Variants in AP3S2 observed in about 807,000 individuals in gnomAD.
The protein encoded by AP3S2 is adaptor related protein complex 3 subunit sigma 2.
In AP3S2, 22 loss-of-function variants were observed where a neutral mutation model predicts 23.4. The observed-to-expected ratio is 0.94, with a 90% CI of 0.67 to 1.34. The LOEUF (loss-of-function observed/expected upper bound fraction) is 1.34, where lower values mean the gene tolerates loss of function less well. AP3S2 is among the 40% of genes most tolerant of loss of function. The pLI, the probability that AP3S2 is intolerant of heterozygous loss-of-function variation, is 0.00. For synonymous variants in AP3S2, 86 were observed against 87.1 expected (o/e 0.99, Z 0.07); for missense variants, 241 against 236.9 (o/e 1.02, Z -0.11).
intron 4 of AP3S2, among the ~76,000 whole-genome samples, chr15:89,843,620 G>A (rs1351831251): frequency 6.6e-6 from 1 of 151,996 alleles, no homozygotes; most frequent in Non-Finnish European, 1.5e-5. Context: ...GGGTGATGGA[G>A]CGAGACTCTA....
At chr15:89,893,119 A>G (rs923999605) in intron 1 of AP3S2, 1 of 152,284 alleles carries the variant, frequency 6.6e-6, no homozygotes, top group Non-Finnish European at 1.5e-5. Flanking sequence ...CAGACGCAAG[A>G]GTAGAAAAGG....
intron 4 of AP3S2, among the ~76,000 whole-genome samples, chr15:89,870,550 C>T (rs1001216078): frequency 6.6e-6 from 1 of 152,098 alleles, no homozygotes; most frequent in African/African-American, 2.4e-5. Context: ...TGGGGATCTG[C>T]CAACCTCAAC....
chr15:89,862,636 G>A (rs539760291), intron 4 of AP3S2, among the ~76,000 whole-genome samples: 9 of 152,322 alleles, frequency 5.9e-5, no homozygotes, highest in African/African-American at 1.9e-4. Context: ...GCGAGGAAGA[G>A]GGAGAAAAGG....
chr15:89,873,283 CTTCT>C (rs1363338758), intron 3 of AP3S2, among the ~76,000 whole-genome samples: 13 of 130,524 alleles, frequency 1.0e-4, no homozygotes, highest in Admixed American at 6.2e-4. Context: ...CTCTGTCTGT[CTTCT>C]TTTTTTTTTT....
At chr15:89,871,684 C>T (rs1896322310) in intron 3 of AP3S2, 138 bp from the exon 4 acceptor site, 1 of 826,052 alleles carries the variant, frequency 1.2e-6, no homozygotes, top group African/African-American at 1.7e-5. Context: ...AAACACCTAC[C>T]TTTTGTCTCC....
intron 3 of AP3S2, among the ~76,000 whole-genome samples, chr15:89,875,624 T>C (rs1896424600): frequency 6.6e-6 from 1 of 152,102 alleles, no homozygotes; most frequent in South Asian, 2.1e-4. Context: ...CAAAGAACAT[T>C]ATTCTGATAA....
At chr15:89,877,244 G>T in intron 3 of AP3S2, 2 of 1,083,398 alleles carry the variant, frequency 1.8e-6, no homozygotes, top group Non-Finnish European at 2.6e-6. Flanking sequence ...ACATAAAGAG[G>T]AACGGGATTG....
chr15:89,889,018 T>A lies in AP3S2; in HGVS notation c.161+31A>T, dbSNP rs181571993. On this transcript the variant is annotated intron_variant, in intron 2 of 5. Transcript: ENST00000336418. ...AATGAAGGCCACTCACAAGTGGATA[T>A]ATGGGGAGAAAAATGAAGCTGACAG... The A allele has an allele frequency of 7.4e-6, 12 of 1,613,532 alleles. No individual in the cohort carries two copies. The East Asian group carries it at 2.5e-4, about 33-fold the overall frequency.
intron 4 of AP3S2, among the ~76,000 whole-genome samples, chr15:89,842,804 G>A (rs7173668): frequency 0.29 from 44,337 of 151,770 alleles, 7,257 homozygotes; most frequent in East Asian, 0.62. Flanking sequence ...GTAGAGACGG[G>A]GTTTTACCAT....
chr15:89,882,999 A>G (rs1389649268), intron 3 of AP3S2, among the ~76,000 whole-genome samples: 3 of 152,180 alleles, frequency 2.0e-5, no homozygotes, highest in Non-Finnish European at 2.9e-5. Context: ...CAACAACGGG[A>G]GAGTTTGTAG....
At chr15:89,867,004 C>CCCCCTA (rs1896142945) in intron 4 of AP3S2, among the ~76,000 whole-genome samples, 4 of 95,216 alleles carry the variant, frequency 4.2e-5, no homozygotes, top group African/African-American at 1.6e-4. Context: ...CTCTCCCTCT[C>CCCCCTA]CCCCTACCCC....
chr15:89,888,327 G>A (rs1381026976), intron 3 of AP3S2, among the ~76,000 whole-genome samples, 194 bp downstream of exon 3: 1 of 152,156 alleles, frequency 6.6e-6, no homozygotes, highest in Non-Finnish European at 1.5e-5. Context: ...GCAGTGCAAG[G>A]GCTAGATAGA....
chr15:89,885,311 T>C (rs1866476), intron 3 of AP3S2, among the ~76,000 whole-genome samples: 108,616 of 151,830 alleles, frequency 0.72, 39,091 homozygotes, highest in East Asian at 0.81. Flanking sequence ...TCTCATGCCT[T>C]GGCTACCCAA....
intron 1 of AP3S2, among the ~76,000 whole-genome samples, chr15:89,891,412 A>T (rs1263264555): frequency 6.6e-6 from 1 of 152,190 alleles, no homozygotes; most frequent in Non-Finnish European, 1.5e-5. Flanking sequence ...TAATCCCTGC[A>T]CTTTGGGAGG....
intron 4 of AP3S2, among the ~76,000 whole-genome samples, chr15:89,848,289 C>G (rs1434303823): frequency 6.6e-6 from 1 of 152,234 alleles, no homozygotes; most frequent in Non-Finnish European, 1.5e-5. Context: ...TACTGCAACA[C>G]TCAAGTTTTG....
intron 4 of AP3S2, chr15:89,845,211 T>G (rs563802402): frequency 6.6e-5 from 10 of 152,242 alleles, no homozygotes; most frequent in African/African-American, 1.4e-4. Flanking sequence ...ACAGCCAGAA[T>G]AATTTTCTTT....
At chr15:89,871,382 A>C in intron 4 of AP3S2, 93 bp downstream of exon 4, 1 of 1,190,796 alleles carries the variant, frequency 8.4e-7, no homozygotes, top group Non-Finnish European at 1.2e-6. Flanking sequence ...AAAAAACAAG[A>C]AACAATATGA....
chr15:89,870,351 C>G (rs781587198), intron 4 of AP3S2, among the ~76,000 whole-genome samples: 1 of 152,150 alleles, frequency 6.6e-6, no homozygotes, highest in Non-Finnish European at 1.5e-5. Context: ...TCAGTAAATA[C>G]TGGAAGCCCC....
chr15:89,878,123 AT>A (rs1896485818), intron 3 of AP3S2: 1 of 490,534 alleles, frequency 2.0e-6, no homozygotes, highest in African/African-American at 2.0e-5. Context: ...CATAAAATAA[AT>A]GTTATGCAGA....
Sources: gnomAD v4.1 joint callset for allele counts (sites outside exome capture counted in the v4.1 genomes callset) on GRCh38, gnomAD v4.1.1 for gene constraint, MANE v1.5 for transcripts, NCBI Gene and HGNC (gene_info 2026-07-23, HGNC 2026-07-21) for gene names.